Variants in SORBS2 observed in about 807,000 individuals in gnomAD.
SORBS2 encodes sorbin and SH3 domain containing 2, also known as sorbin and SH3 domain-containing protein 2.
SORBS2 carries 46 observed loss-of-function variants against 97.7 expected under a neutral mutation model. The ratio of observed to expected loss-of-function variants is 0.47; its 90% CI spans 0.37 to 0.60. SORBS2 has a LOEUF of 0.60. Ranked by LOEUF, SORBS2 falls within the 20% of genes least tolerant of loss-of-function variation. The probability of loss-of-function intolerance (pLI) is 0.00; values close to 1 mark genes in which losing one functional copy is unlikely to be tolerated. For synonymous variants in SORBS2, 476 were observed against 473.4 expected, an observed-to-expected ratio of 1.01 and a Z score of -0.07; for missense variants, 1,316 against 1,282.3, an observed-to-expected ratio of 1.03 and a Z score of -0.40.
chr4:185,936,754 T>C (rs754745546), intron 1 of SORBS2, among the ~76,000 whole-genome samples: 3 of 151,892 alleles, frequency 2.0e-5, no homozygotes, highest in African/African-American at 4.8e-5. Flanking sequence ...AGAAATGCAA[T>C]TTACAGAAGA....
chr4:185,659,296 A>G (rs1211024473), upstream of SORBS2, among the ~76,000 whole-genome samples: 1 of 152,118 alleles, frequency 6.6e-6, no homozygotes, highest in East Asian at 1.9e-4. Flanking sequence ...AGTGCTGGGG[A>G]AGGAGGTGTG....
intron 1 of SORBS2, among the ~76,000 whole-genome samples, chr4:185,787,192 C>T (rs2099060346): frequency 6.6e-6 from 1 of 152,078 alleles, no homozygotes; most frequent in African/African-American, 2.4e-5. Context: ...CAACCAGTTC[C>T]CAGCACAGTG....
intron 1 of SORBS2, among the ~76,000 whole-genome samples, chr4:185,914,254 T>A (rs975018454): frequency 6.6e-6 from 1 of 152,166 alleles, no homozygotes; most frequent in Non-Finnish European, 1.5e-5. Context: ...TAGAAATAAG[T>A]ATATTTTCTC....
intron 1 of SORBS2, among the ~76,000 whole-genome samples, chr4:185,921,379 C>A (rs1004451825): frequency 6.6e-6 from 1 of 152,138 alleles, no homozygotes; most frequent in South Asian, 2.1e-4. Context: ...CTCAAGTTAA[C>A]CATCTCCCGA....
At chr4:185,705,123 C>T (rs2098325090) in intron 2 of SORBS2, among the ~76,000 whole-genome samples, 1 of 152,240 alleles carries the variant, frequency 6.6e-6, no homozygotes, top group Non-Finnish European at 1.5e-5. Context: ...ACCCAGTTGT[C>T]TCAAAGGCCA....
intron 1 of SORBS2, among the ~76,000 whole-genome samples, chr4:185,901,309 T>A (rs191912520): frequency 4.6e-5 from 7 of 152,170 alleles, no homozygotes; most frequent in Admixed American, 4.6e-4. Context: ...GTTCAAGCGA[T>A]CTCCTGCCTC....
intron 2 of SORBS2, among the ~76,000 whole-genome samples, chr4:185,694,119 A>G (rs1348368309): frequency 6.6e-6 from 1 of 152,230 alleles, no homozygotes; most frequent in Non-Finnish European, 1.5e-5. Context: ...GCACGATTCT[A>G]TTTCCCTTAT....
At chr4:185,685,668 A>G (rs1480019858) in intron 2 of SORBS2, among the ~76,000 whole-genome samples, 1 of 152,086 alleles carries the variant, frequency 6.6e-6, no homozygotes, top group Non-Finnish European at 1.5e-5. Context: ...AGTAGCTAGG[A>G]CCACAGGCAC....
At position 185,690,388 on chromosome 4, in the gene SORBS2, G is replaced by A. The variant is rs144365947; in HGVS notation, c.-197-11566C>T. ...AGAAGAGAAAATTCTATGTTTGGTG[G>A]CTATAAGAGTGGGGCACAAATACAA... is the stretch of plus-strand genomic sequence containing the variant. On this transcript the variant is annotated intron_variant, in intron 2 of 20. Coordinates refer to the SORBS2 transcript ENST00000284776. Among the ~76,000 whole-genome samples the A allele has an allele frequency of 3.7e-3, 570 of 152,270 alleles. 3 individuals carry two copies. Among genetic ancestry groups the A allele is most frequent in the African/African-American group, 0.013 (526 of 41,542 alleles).
intron 4 of SORBS2, chr4:185,675,306 G>A (rs1236433118): frequency 3.3e-5 from 5 of 152,444 alleles, no homozygotes; most frequent in Non-Finnish European, 5.9e-5. Flanking sequence ...GCCCATCCTG[G>A]GACACTGGCG....
chr4:185,891,895 C>T (rs908237751), intron 1 of SORBS2, among the ~76,000 whole-genome samples: 3 of 151,996 alleles, frequency 2.0e-5, no homozygotes, highest in Non-Finnish European at 2.9e-5. Context: ...AGTGCAGTGG[C>T]GCGATCTTGG....
At chr4:185,923,472 ATT>A (rs535695706) in intron 1 of SORBS2, among the ~76,000 whole-genome samples, 1 of 110,474 alleles carries the variant, frequency 9.1e-6, no homozygotes, top group Non-Finnish European at 1.8e-5. Flanking sequence ...CTTTTTTTTA[ATT>A]TTTTTTTTTT....
At chr4:185,624,418 A>G in exon 7 of SORBS2, 1 of 1,614,110 alleles carries the variant, frequency 6.2e-7, no homozygotes, top group Middle Eastern at 1.6e-4. Flanking sequence ...TGCTACAGTA[A>G]TCTAACTCAC....
At chr4:185,597,555 C>T (rs966087607) in intron 12 of SORBS2, among the ~76,000 whole-genome samples, 4 of 152,154 alleles carry the variant, frequency 2.6e-5, no homozygotes, top group Non-Finnish European at 2.9e-5. Context: ...ATGGTAATTT[C>T]GATGTGCACG....
At chr4:185,759,775 G>C (rs2098857799) in intron 2 of SORBS2, among the ~76,000 whole-genome samples, 1 of 152,138 alleles carries the variant, frequency 6.6e-6, no homozygotes, top group South Asian at 2.1e-4. Context: ...TTATTCTATT[G>C]CCTGTAACAG....
chr4:185,720,681 AAC>A (rs2098505792), intron 2 of SORBS2, among the ~76,000 whole-genome samples: 1 of 152,156 alleles, frequency 6.6e-6, no homozygotes, highest in Admixed American at 6.5e-5. Flanking sequence ...GGTGCTAGAA[AAC>A]AGTTTGCAAA....
chr4:185,617,777 C>A (rs573092563), intron 9 of SORBS2, among the ~76,000 whole-genome samples: 1 of 152,254 alleles, frequency 6.6e-6, no homozygotes, highest in East Asian at 1.9e-4. Flanking sequence ...AAAACACCGA[C>A]ACCAAAAGAC....
chr4:185,721,117 C>G (rs1295168833), intron 2 of SORBS2, among the ~76,000 whole-genome samples: 1 of 109,850 alleles, frequency 9.1e-6, no homozygotes, highest in East Asian at 2.8e-4. Flanking sequence ...GAGACAGAAT[C>G]TCACTCTGTC....
intron 4 of SORBS2, among the ~76,000 whole-genome samples, chr4:185,641,013 G>A (rs944196231): frequency 1.1e-4 from 16 of 152,134 alleles, no homozygotes; most frequent in Admixed American, 3.9e-4. Context: ...AACAGCAGAG[G>A]GCAGCCAACT....
Sources: allele counts gnomAD v4.1 joint callset (sites outside exome capture counted in the v4.1 genomes callset), GRCh38; gene constraint gnomAD v4.1.1; transcripts MANE v1.5; gene names NCBI Gene and HGNC (gene_info 2026-07-23, HGNC 2026-07-21).